Variants in ADAM12 observed in about 807,000 individuals in gnomAD.
The protein encoded by ADAM12 is disintegrin and metalloproteinase domain-containing protein 12.
Under a neutral mutation model 106.4 loss-of-function variants are expected in ADAM12, and 70 were observed. The observed-to-expected ratio is 0.66, with a 90% CI of 0.54 to 0.80. ADAM12 has a LOEUF of 0.80. ADAM12 is among the 30% of genes least tolerant of loss of function. ADAM12 has a pLI of 0.00. For missense variants in ADAM12, 1,010 were observed against 1,171.9 expected (o/e 0.86, Z 2.02); for synonymous variants, 420 against 433.5 (o/e 0.97, Z 0.39).
At chr10:126,151,504 T>C (rs1052156645) in intron 4 of ADAM12, among the ~76,000 whole-genome samples, 1 of 152,216 alleles carries the variant, frequency 6.6e-6, no homozygotes. Context: ...GGATAGGGTT[T>C]GTAAAATTTA....
At chr10:126,164,361 C>T (rs555326282) in intron 3 of ADAM12, among the ~76,000 whole-genome samples, 9 of 152,318 alleles carry the variant, frequency 5.9e-5, no homozygotes, top group Middle Eastern at 3.4e-3. Context: ...TCAGTGATTT[C>T]TTCTTCCTGG....
chr10:126,019,913 C>T, intron 21 of ADAM12, 88 bp from the exon 22 acceptor site: 1 of 1,425,782 alleles, frequency 7.0e-7, no homozygotes, highest in Non-Finnish European at 9.3e-7. Flanking sequence ...GGCACAGGCC[C>T]TGCTTCCTGA....
chr10:126,277,370 G>A (rs948579635), intron 3 of ADAM12, among the ~76,000 whole-genome samples: 2 of 151,886 alleles, frequency 1.3e-5, no homozygotes, highest in East Asian at 1.9e-4. Flanking sequence ...TGTGCACCAC[G>A]TTTCTTCCAA....
At chr10:126,246,470 A>G (rs1261638256) in intron 3 of ADAM12, among the ~76,000 whole-genome samples, 1 of 152,232 alleles carries the variant, frequency 6.6e-6, no homozygotes, top group African/African-American at 2.4e-5. Flanking sequence ...ATGAACATCA[A>G]TGCAAAAATC....
intron 2 of ADAM12, among the ~76,000 whole-genome samples, chr10:126,292,654 A>T (rs1290273040): frequency 6.6e-6 from 1 of 152,188 alleles, no homozygotes; most frequent in Non-Finnish European, 1.5e-5. Flanking sequence ...GATAATAAAT[A>T]CATTAAGCTT....
chr10:126,231,183 A>G (rs538843072), intron 3 of ADAM12, among the ~76,000 whole-genome samples: 5 of 152,270 alleles, frequency 3.3e-5, no homozygotes, highest in South Asian at 2.1e-4. Flanking sequence ...GATTTCTTCA[A>G]TCTACTAGAG....
chr10:126,327,070 T>G (rs570201764), intron 2 of ADAM12, among the ~76,000 whole-genome samples: 1 of 152,112 alleles, frequency 6.6e-6, no homozygotes, highest in Non-Finnish European at 1.5e-5. Context: ...GGTGGCCCCA[T>G]GCTATGGCAC....
At chr10:126,065,478 G>A (rs541213247) in intron 13 of ADAM12, among the ~76,000 whole-genome samples, 5 of 152,254 alleles carry the variant, frequency 3.3e-5, no homozygotes, top group African/African-American at 7.2e-5. Context: ...TTAGTCAGTC[G>A]TCAAATCATA....
In ADAM12 at chr10:126,203,044, G is replaced by C. The variant is rs887392684; in HGVS notation, c.261-47739C>G. On this transcript the variant is annotated intron_variant, in intron 3 of 22. Transcript: ENST00000448723. ...CTCCTTTTAACTGGACATCTTTTGT[G>C]AAAGTTCAGGTGCCCAACTAGTTGT... is the stretch of plus-strand genomic sequence containing the variant. Among the ~76,000 whole-genome samples the C allele has an allele frequency of 2.6e-5, 4 of 152,206 alleles. No individual in the cohort carries two copies. The East Asian group carries it at 7.7e-4, about 29-fold the overall frequency.
In ADAM12 at chr10:126,015,002, A is replaced by G. The variant is rs1474349812; in HGVS notation, c.*2277T>C. ...CTGCTAAATATGCTTCACTTGATAA[A>G]TACTGCATCTTGGAAGGATTAATAC... is the stretch of plus-strand genomic sequence containing the variant. On this transcript the variant is annotated 3_prime_UTR_variant, in exon 23 of 23. Coordinates refer to ENST00000448723, the MANE Select transcript of ADAM12 (RefSeq NM_001288973.2). 6.6e-6 allele frequency: 1 copy of G among 152,216 alleles called. No individual in the cohort carries two copies. Among genetic ancestry groups the G allele is most frequent in the African/African-American group, 2.4e-5 (1 of 41,458 alleles). The allele number at this position is 152,216 out of a possible 1,614,324, so 9.4% of individuals were successfully genotyped here.
In ADAM12 at chr10:126,071,611, A is replaced by G. The variant is rs1236024953; in HGVS notation, c.1189T>C (p.Leu397=). The change falls in exon 12 of 23, where the codon TTG becomes CTG. Residue 397 remains leucine (L), a synonymous_variant. Transcript: ENST00000448723. The part of the protein sequence containing the change: ...MVFSSCSRKD[L]ETSLEKGMGV... ...ATTCCTTTCTCCAGGCTGGTCTCCA[A>G]GTCCTTCCTGCTGCAACTGCTGAAC... is the stretch of plus-strand genomic sequence containing the variant. The G allele has an allele frequency of 6.2e-7, 1 of 1,613,998 alleles. No individual in the cohort carries two copies. The highest frequency in any genetic ancestry group is 1.3e-5 in the African/African-American group (1 of 74,894).
intron 3 of ADAM12, among the ~76,000 whole-genome samples, chr10:126,232,568 G>A (rs1958333098): frequency 6.6e-6 from 1 of 152,168 alleles, no homozygotes; most frequent in Admixed American, 6.5e-5. Context: ...AACCCCACAT[G>A]GAGCCAAGCA....
At chr10:126,358,910 C>T in intron 1 of ADAM12, among the ~76,000 whole-genome samples, 1 of 152,280 alleles carries the variant, frequency 6.6e-6, no homozygotes, top group East Asian at 1.9e-4. Context: ...TTTCATGCTG[C>T]TGATAAAGAC....
At chr10:126,076,055 G>T (rs34220381) in intron 11 of ADAM12, among the ~76,000 whole-genome samples, 45,425 of 151,996 alleles carry the variant, frequency 0.3, 6,950 homozygotes, top group South Asian at 0.42. Flanking sequence ...CCAATAGGTG[G>T]TTTTTCAGCT....
At chr10:126,109,395 TTTA>T (rs1259474906) in intron 7 of ADAM12, among the ~76,000 whole-genome samples, 2 of 152,224 alleles carry the variant, frequency 1.3e-5, no homozygotes, top group African/African-American at 4.8e-5. Flanking sequence ...CATACCTTCA[TTTA>T]TTCATTTTGA....
chr10:126,319,228 AG>A (rs1461934793), intron 2 of ADAM12, among the ~76,000 whole-genome samples: 1 of 152,184 alleles, frequency 6.6e-6, no homozygotes, highest in East Asian at 1.9e-4. Context: ...CCAGGGGTGC[AG>A]CGTAACTCCC....
In ADAM12 at chr10:126,209,119, G is replaced by C. The variant is rs138475809; in HGVS notation, c.261-53814C>G. Among the ~76,000 whole-genome samples the C allele has an allele frequency of 1.9e-3, 287 of 152,300 alleles. 1 individual carries two copies. The highest frequency in any genetic ancestry group is 6.7e-3 in the African/African-American group (279 of 41,576). ...AAGAACGCTGTCAATTCACTGTTGG[G>C]AATCTTGGCAGCAAGCCAAAATCCT... On this transcript the variant is annotated intron_variant, in intron 3 of 22. Transcript: ENST00000448723.
At chr10:126,050,397 C>T (rs1382056497) in intron 14 of ADAM12, among the ~76,000 whole-genome samples, 4 of 152,198 alleles carry the variant, frequency 2.6e-5, no homozygotes, top group Non-Finnish European at 4.4e-5. Flanking sequence ...CTGGAGGACT[C>T]CTGAATCCTG....
chr10:126,367,936 A>G (rs112516395), intron 1 of ADAM12, among the ~76,000 whole-genome samples: 50 of 152,084 alleles, frequency 3.3e-4, no homozygotes, highest in African/African-American at 1.2e-3. Flanking sequence ...AGGCCAGTAT[A>G]ACCCTGATAC....
Sources: gnomAD v4.1 joint callset for allele counts (sites outside exome capture counted in the v4.1 genomes callset) on GRCh38, gnomAD v4.1.1 for gene constraint, MANE v1.5 for transcripts, NCBI Gene and HGNC (gene_info 2026-07-23, HGNC 2026-07-21) for gene names.